DLG2: variants seen among roughly 807,000 people sequenced by gnomAD.
DLG2 encodes discs large MAGUK scaffold protein 2.
Under a neutral mutation model 132.5 loss-of-function variants are expected in DLG2, and 45 were observed. That is an observed-to-expected ratio of 0.34 (90% CI 0.27 to 0.44). The LOEUF is 0.44. Among genes scored for constraint, DLG2 ranks in the 20% least tolerant of loss-of-function variants. The probability of loss-of-function intolerance (pLI) is 1.00; values close to 1 mark genes in which losing one functional copy is unlikely to be tolerated. For synonymous variants in DLG2, 424 were observed against 419.6 expected, an observed-to-expected ratio of 1.01 and a Z score of -0.13; for missense variants, 1,045 against 1,196.9, an observed-to-expected ratio of 0.87 and a Z score of 1.87.
chr11:83,747,967 G>C (rs531038382), intron 18 of DLG2, among the ~76,000 whole-genome samples: 2 of 152,214 alleles, frequency 1.3e-5, no homozygotes, highest in Admixed American at 1.3e-4. Context: ...TAGCTCCACT[G>C]TGCTGTGGAG....
At chr11:84,911,610 A>G (rs1002189767) in intron 6 of DLG2, among the ~76,000 whole-genome samples, 10 of 152,210 alleles carry the variant, frequency 6.6e-5, no homozygotes, top group Non-Finnish European at 8.8e-5. Flanking sequence ...GCAAGTCAAA[A>G]TCAATTCCTT....
chr11:84,402,070 G>A (rs769434677), intron 7 of DLG2, among the ~76,000 whole-genome samples: 31 of 152,108 alleles, frequency 2.0e-4, no homozygotes, highest in Non-Finnish European at 2.5e-4. Flanking sequence ...GTTCATTGGA[G>A]TTTTCAGATA....
rs569297481 is a variant in DLG2 at position 84,717,457 on chromosome 11, G to A, written c.358-182726C>T. Among the ~76,000 whole-genome samples, 10 of 152,106 alleles carry A rather than the reference G, an allele frequency of 6.6e-5. No homozygotes were observed. The South Asian group carries it at 1.0e-3, about 16-fold the overall frequency. On this transcript the variant is annotated intron_variant, in intron 6 of 27. Coordinates refer to ENST00000376104, the MANE Select transcript of DLG2 (RefSeq NM_001142699.3). ...TTAAATTTGAGACCAAAGGGAACAA[G>A]AGCAGTTTATTGCTATGCCTCCAGT...
intron 6 of DLG2, among the ~76,000 whole-genome samples, chr11:85,086,662 A>G (rs183831945): frequency 6.6e-6 from 1 of 152,170 alleles, no homozygotes; most frequent in Non-Finnish European, 1.5e-5. Context: ...CAAATCACAC[A>G]TATCTATAAG....
intron 3 of DLG2, among the ~76,000 whole-genome samples, chr11:85,519,727 TCCA>T (rs1380661390): frequency 1.3e-5 from 2 of 152,096 alleles, no homozygotes; most frequent in Non-Finnish European, 2.9e-5. Flanking sequence ...GTTTGGCTCA[TCCA>T]AATCTCATCT....
intron 8 of DLG2, among the ~76,000 whole-genome samples, chr11:84,217,848 T>G (rs1015663664): frequency 6.6e-6 from 1 of 152,164 alleles, no homozygotes; most frequent in African/African-American, 2.4e-5. Context: ...TTCAACAAAT[T>G]TTGTGCTCTC....
intron 6 of DLG2, among the ~76,000 whole-genome samples, chr11:84,995,624 T>C (rs1211522519): frequency 6.6e-6 from 1 of 152,212 alleles, no homozygotes; most frequent in African/African-American, 2.4e-5. Context: ...AAATACTGAA[T>C]GAATTTGAAT....
chr11:83,840,494 G>A (rs1324709767), intron 16 of DLG2, among the ~76,000 whole-genome samples: 1 of 152,092 alleles, frequency 6.6e-6, no homozygotes, highest in Non-Finnish European at 1.5e-5. Context: ...AAACACAAAT[G>A]GGCAAAGCAG....
rs572258375 is a variant in DLG2 at position 83,743,780 on chromosome 11, T to C, written c.1825+42910A>G. 7.9e-5 allele frequency among the ~76,000 whole-genome samples: 12 copies of C among 152,210 alleles called. No individual in the cohort carries two copies. In the South Asian group the frequency reaches 2.5e-3, roughly 32 times the overall value. Reference sequence around the variant, plus strand: ...CTCAGTGCTTCAGTTTTCTCATCTATAAATTGTAGACAAAAAATAGCATGC... The same window carrying C: ...CTCAGTGCTTCAGTTTTCTCATCTACAAATTGTAGACAAAAAATAGCATGC... On this transcript the variant is annotated intron_variant, in intron 18 of 27. Coordinates refer to ENST00000376104, the MANE Select transcript of DLG2 (RefSeq NM_001142699.3).
intron 17 of DLG2, among the ~76,000 whole-genome samples, chr11:83,814,259 T>C (rs934171615): frequency 6.6e-6 from 1 of 152,098 alleles, no homozygotes; most frequent in Non-Finnish European, 1.5e-5. Flanking sequence ...CGCTTAGGAA[T>C]TGTAAAAAAT....
At chr11:85,520,289 T>A (rs2074190043) in intron 3 of DLG2, among the ~76,000 whole-genome samples, 1 of 152,050 alleles carries the variant, frequency 6.6e-6, no homozygotes, top group Non-Finnish European at 1.5e-5. Context: ...TACCTTCAAG[T>A]AGATAAAAGA....
intron 18 of DLG2, chr11:83,724,936 G>A (rs1405389663): frequency 2.0e-5 from 14 of 702,238 alleles, no homozygotes; most frequent in African/African-American, 1.9e-4. Context: ...CCCTCCTCCT[G>A]GTTGAGCTGC....
Position 83,720,738 on chromosome 11 carries a change from C to CTTTT in DLG2, c.1825+65948_1825+65951dup, listed in dbSNP as rs10690118. ...CTTTGACTCCCTTCTTCAGCCCTCC[C>CTTTT]TTTTTTTTTTTTTTTTTTTTTAATT... On this transcript the variant is annotated intron_variant, in intron 18 of 27. Coordinates refer to ENST00000376104, the MANE Select transcript of DLG2 (RefSeq NM_001142699.3). The CTTTT allele has an allele frequency of 2.3e-3, 285 of 124,056 alleles. 1 individual carries two copies. Among genetic ancestry groups the CTTTT allele is most frequent in the East Asian group, 0.011 (47 of 4,444 alleles). 7.7% of individuals were successfully genotyped at this position (124,056 alleles called of 1,614,324 possible). A position where few individuals can be genotyped will look rare whatever the true frequency, so the allele number is the denominator to read the frequency against.
intron 11 of DLG2, among the ~76,000 whole-genome samples, chr11:84,058,161 A>T (rs1371722695): frequency 6.6e-6 from 1 of 152,162 alleles, no homozygotes; most frequent in African/African-American, 2.4e-5. Flanking sequence ...TTTCAATCTC[A>T]TATAGCATTA....
intron 3 of DLG2, among the ~76,000 whole-genome samples, chr11:85,351,281 A>G (rs937797627): frequency 6.6e-6 from 1 of 152,208 alleles, no homozygotes; most frequent in East Asian, 1.9e-4. Context: ...ACTTTGCCAA[A>G]GCTGCTTATC....
chr11:84,987,645 G>C (rs1429583864), intron 6 of DLG2, among the ~76,000 whole-genome samples: 1 of 152,048 alleles, frequency 6.6e-6, no homozygotes, highest in Non-Finnish European at 1.5e-5. Flanking sequence ...CTTTGACAAA[G>C]CAAACAAAAA....
intron 6 of DLG2, among the ~76,000 whole-genome samples, chr11:84,580,589 G>T (rs1053426553): frequency 6.6e-6 from 1 of 152,192 alleles, no homozygotes; most frequent in Non-Finnish European, 1.5e-5. Context: ...TCCTAGCTGC[G>T]AGTAAAAGGC....
chr11:85,618,301 A>G (rs75705393), intron 2 of DLG2, among the ~76,000 whole-genome samples: 8,799 of 152,230 alleles, frequency 0.058, 826 homozygotes, highest in African/African-American at 0.2. Context: ...TATACTAAAA[A>G]ATATTTTGTA....
intron 7 of DLG2, among the ~76,000 whole-genome samples, chr11:84,423,872 A>G (rs1567597830): frequency 1.3e-5 from 2 of 152,324 alleles, no homozygotes; most frequent in East Asian, 3.9e-4. Flanking sequence ...TGCAACAGTA[A>G]GCCATCTTCT....
Sources: gnomAD v4.1 joint callset for allele counts (sites outside exome capture counted in the v4.1 genomes callset) on GRCh38, gnomAD v4.1.1 for gene constraint, MANE v1.5 for transcripts, NCBI Gene and HGNC (gene_info 2026-07-23, HGNC 2026-07-21) for gene names.